Variants in CACHD1 observed in about 807,000 individuals in gnomAD.
CACHD1 encodes the protein VWFA and cache domain-containing protein 1.
In CACHD1, 71 loss-of-function variants were observed where a neutral mutation model predicts 138.7. The observed-to-expected ratio is 0.51, with a 90% confidence interval of 0.42 to 0.62. The LOEUF is 0.62. CACHD1 is among the 20% of genes least tolerant of loss of function. The probability of loss-of-function intolerance (pLI) is 0.00; values close to 1 mark genes in which losing one functional copy is unlikely to be tolerated. For missense variants in CACHD1, 1,389 were observed against 1,625.3 expected, an observed-to-expected ratio of 0.85 and a Z score of 2.50; for synonymous variants, 578 against 591.5, an observed-to-expected ratio of 0.98 and a Z score of 0.33.
chr1:64,627,403 T>C (rs1219578997), intron 4 of CACHD1, among the ~76,000 whole-genome samples: 1 of 152,080 alleles, frequency 6.6e-6, no homozygotes, highest in Admixed American at 6.6e-5. Context: ...TGAGACCCTG[T>C]CTCAAAAAAA....
At chr1:64,611,918 T>G (rs1308387805) in intron 4 of CACHD1, among the ~76,000 whole-genome samples, 2 of 152,232 alleles carry the variant, frequency 1.3e-5, no homozygotes. Flanking sequence ...GAAAAGAGGC[T>G]TAATTGACTC....
At chr1:64,537,380 C>A (rs1646641313) in intron 1 of CACHD1, among the ~76,000 whole-genome samples, 1 of 152,124 alleles carries the variant, frequency 6.6e-6, no homozygotes, top group African/African-American at 2.4e-5. Context: ...CGTCCAAAAC[C>A]TTGGGCTAAA....
chr1:64,581,448 C>T (rs1238856356), intron 2 of CACHD1, among the ~76,000 whole-genome samples: 3 of 152,142 alleles, frequency 2.0e-5, no homozygotes, highest in Non-Finnish European at 4.4e-5. Context: ...TTGATGGGAA[C>T]AATGGAGGAA....
At chr1:64,683,578 A>G (rs181254581) in intron 26 of CACHD1, among the ~76,000 whole-genome samples, 1 of 152,312 alleles carries the variant, frequency 6.6e-6, no homozygotes, top group African/African-American at 2.4e-5. Flanking sequence ...GTAAAATGGC[A>G]TATGAAGCAA....
At chr1:64,585,146 G>A (rs549112716) in intron 3 of CACHD1, among the ~76,000 whole-genome samples, 3 of 152,302 alleles carry the variant, frequency 2.0e-5, no homozygotes, top group Non-Finnish European at 4.4e-5. Flanking sequence ...ATATGAGATG[G>A]TAAGATGCAG....
chr1:64,676,227 AC>A (rs1206644599), intron 21 of CACHD1, among the ~76,000 whole-genome samples: 3 of 152,212 alleles, frequency 2.0e-5, no homozygotes, highest in Middle Eastern at 3.4e-3. Context: ...TGTGCTACAT[AC>A]AAAAAAATGT....
intron 26 of CACHD1, among the ~76,000 whole-genome samples, chr1:64,688,485 C>G (rs1282578545): frequency 6.6e-6 from 1 of 152,126 alleles, no homozygotes; most frequent in African/African-American, 2.4e-5. Context: ...TGTCAGCTCC[C>G]TGGCATCTTC....
At chr1:64,675,255 A>G (rs1434864368) in intron 19 of CACHD1, 146 bp from the exon 20 acceptor site, 5 of 555,804 alleles carry the variant, frequency 9.0e-6, no homozygotes, top group Non-Finnish European at 1.2e-5. Context: ...AACAGTGACT[A>G]TATATTTTTT....
At chr1:64,478,111 AG>A (rs1310744013) in intron 1 of CACHD1, among the ~76,000 whole-genome samples, 4 of 152,208 alleles carry the variant, frequency 2.6e-5, no homozygotes, top group South Asian at 2.1e-4. Flanking sequence ...GAGGTTGTTT[AG>A]GCTACATTTT....
intron 1 of CACHD1, among the ~76,000 whole-genome samples, chr1:64,538,470 T>A (rs1362327069): frequency 6.6e-6 from 1 of 152,218 alleles, no homozygotes; most frequent in Admixed American, 6.5e-5. Context: ...GCAATTGGCA[T>A]GTCAGTAAAA....
Position 64,647,687 on chromosome 1 carries a change from C to T in CACHD1, c.1157-114C>T, listed in dbSNP as rs1570449143. ...AGAGTCTATGTGGTCTCTGCAAAAA[C>T]CCCTTTGGTATTACAAGACCTCATC... is the stretch of plus-strand genomic sequence containing the variant. On this transcript the variant is annotated intron_variant, in intron 8 of 26. Transcript: ENST00000651257. 10 of 800,398 alleles carry T rather than the reference C, an allele frequency of 1.2e-5. No individual in the cohort carries two copies. In the East Asian group the frequency reaches 1.6e-4, roughly 13 times the overall value. The allele number at this position is 800,398 out of a possible 1,614,324, so 49.6% of individuals were successfully genotyped here. A position where few individuals can be genotyped will look rare whatever the true frequency, so the allele number is the denominator to read the frequency against.
At chr1:64,688,015 G>A (rs1557559402) in intron 26 of CACHD1, among the ~76,000 whole-genome samples, 2 of 152,004 alleles carry the variant, frequency 1.3e-5, no homozygotes, top group South Asian at 4.2e-4. Flanking sequence ...GGCAGGACTG[G>A]AGGTGGGTGG....
intron 1 of CACHD1, chr1:64,506,094 A>T (rs1477094975): frequency 6.6e-6 from 1 of 152,210 alleles, no homozygotes. Context: ...TGTGTGGAGG[A>T]ACTGCCCAGT....
intron 13 of CACHD1, among the ~76,000 whole-genome samples, chr1:64,660,529 T>A (rs530158138): frequency 2.2e-4 from 33 of 152,242 alleles, no homozygotes; most frequent in African/African-American, 3.6e-4. Flanking sequence ...GCTTTTTTTT[T>A]TTTATTTATT....
intron 16 of CACHD1, among the ~76,000 whole-genome samples, chr1:64,670,576 A>G (rs1011138668): frequency 2.6e-5 from 4 of 152,202 alleles, no homozygotes; most frequent in Admixed American, 1.3e-4. Flanking sequence ...AAAACAGCCA[A>G]GGTTCCAAGT....
intron 2 of CACHD1, chr1:64,563,679 A>T (rs2100491042): frequency 6.6e-6 from 1 of 152,320 alleles, no homozygotes; most frequent in Non-Finnish European, 1.5e-5. Flanking sequence ...GTATACTCAG[A>T]TACCATGGAG....
At chr1:64,538,355 ATATATT>A (rs1274943929) in intron 1 of CACHD1, among the ~76,000 whole-genome samples, 1 of 152,210 alleles carries the variant, frequency 6.6e-6, no homozygotes, top group South Asian at 2.1e-4. Flanking sequence ...AGTTTCAGAG[ATATATT>A]TATAATTATT....
At chr1:64,487,247 G>A (rs1646247919) in intron 1 of CACHD1, among the ~76,000 whole-genome samples, 1 of 152,030 alleles carries the variant, frequency 6.6e-6, no homozygotes, top group Non-Finnish European at 1.5e-5. Context: ...TACTCTCTTG[G>A]CTCTGTCACC....
rs1204725604 is a variant in CACHD1, at chr1:64,663,710, T to C, written c.1967T>C (p.Met656Thr). The C allele has an allele frequency of 6.2e-7, 1 of 1,614,018 alleles. No homozygotes were observed. The highest frequency in any genetic ancestry group is 1.3e-5 in the African/African-American group (1 of 74,904). The change falls in exon 14 of 27, where the codon ATG becomes ACG. Residue 656 changes from methionine to threonine, a missense_variant. This residue lies in a region of CACHD1 where 1,000 missense variants were observed against 1,114.7 expected (regional missense o/e 0.90). Transcript: ENST00000651257. ...QLATLESPTI[M>T]LSAGSFSSPY... ...TCTCTTTCAGAAAGTCCCACCATCA[T>C]GCTGTCTGCTGGCAGCTTTTCCTCC...
Sources: allele counts gnomAD v4.1 joint callset (sites outside exome capture counted in the v4.1 genomes callset), GRCh38; gene constraint gnomAD v4.1.1; regional missense constraint gnomAD v4.1.1; transcripts MANE v1.5; gene names NCBI Gene and HGNC (gene_info 2026-07-23, HGNC 2026-07-21).